SEMA6D: variants seen among roughly 807,000 people sequenced by gnomAD.
The protein encoded by SEMA6D is semaphorin-6D.
In SEMA6D, 35 loss-of-function variants were observed where a neutral mutation model predicts 106.6. The observed-to-expected ratio is 0.33, with a 90% CI of 0.25 to 0.44. The LOEUF is 0.44. SEMA6D is among the 20% of genes least tolerant of loss of function. The pLI is 1.00. For synonymous variants in SEMA6D, 499 were observed against 487.7 expected (o/e 1.02, Z -0.31); for missense variants, 1,185 against 1,345.9 (o/e 0.88, Z 1.87).
At chr15:47,242,349 T>C (rs974171652) in intron 1 of SEMA6D, among the ~76,000 whole-genome samples, 2 of 152,162 alleles carry the variant, frequency 1.3e-5, no homozygotes, top group Admixed American at 6.6e-5. Context: ...CTGAAATTAC[T>C]GTCAGTAGTT....
chr15:47,463,089 G>A (rs2042561138), intron 2 of SEMA6D, among the ~76,000 whole-genome samples: 2 of 152,086 alleles, frequency 1.3e-5, no homozygotes, highest in South Asian at 4.1e-4. Context: ...GACTACCTCA[G>A]TTTCCTGAAG....
chr15:47,704,941 G>A (rs1422847448), intron 4 of SEMA6D, among the ~76,000 whole-genome samples: 1 of 152,042 alleles, frequency 6.6e-6, no homozygotes, highest in Non-Finnish European at 1.5e-5. Context: ...TAATCAAGTT[G>A]TACTTAAAGT....
intron 17 of SEMA6D, among the ~76,000 whole-genome samples, chr15:47,767,863 G>A (rs1271081286): frequency 2.0e-5 from 3 of 152,146 alleles, no homozygotes; most frequent in African/African-American, 7.2e-5. Flanking sequence ...TTCCTCAGGG[G>A]GAGAAAAAGA....
intron 3 of SEMA6D, among the ~76,000 whole-genome samples, chr15:47,571,529 C>T (rs1344081094): frequency 1.3e-5 from 2 of 152,174 alleles, no homozygotes; most frequent in Non-Finnish European, 2.9e-5. Context: ...TAAAACATCC[C>T]AGAATCATCA....
chr15:47,337,069 A>G (rs1010928773), intron 1 of SEMA6D, among the ~76,000 whole-genome samples: 2 of 152,132 alleles, frequency 1.3e-5, no homozygotes, highest in Non-Finnish European at 2.9e-5. Flanking sequence ...AATCTGGCCT[A>G]TTTAAAGGAA....
chr15:47,407,668 T>C (rs1246477849), intron 1 of SEMA6D, among the ~76,000 whole-genome samples: 1 of 152,112 alleles, frequency 6.6e-6, no homozygotes, highest in African/African-American at 2.4e-5. Context: ...ATAAGGTGGG[T>C]AGTGTTTGGA....
At chr15:47,765,243 T>A (rs1597075217) in intron 13 of SEMA6D, 187 bp downstream of exon 13, 2 of 1,378,450 alleles carry the variant, frequency 1.5e-6, no homozygotes, top group Admixed American at 6.4e-5. Context: ...GCGAGGGGGG[T>A]GAATGGTTGA....
chr15:47,445,372 A>T (rs2041999727), intron 2 of SEMA6D, among the ~76,000 whole-genome samples: 1 of 152,044 alleles, frequency 6.6e-6, no homozygotes, highest in African/African-American at 2.4e-5. Flanking sequence ...TCGTAATGTT[A>T]TCATTATATT....
At chr15:47,260,961 A>C (rs534887764) in intron 1 of SEMA6D, among the ~76,000 whole-genome samples, 2 of 152,208 alleles carry the variant, frequency 1.3e-5, no homozygotes, top group Admixed American at 6.5e-5. Context: ...GAGGGACCTA[A>C]GGTACCGTAT....
chr15:47,389,989 T>G (rs985333266), intron 1 of SEMA6D, among the ~76,000 whole-genome samples: 1 of 152,240 alleles, frequency 6.6e-6, no homozygotes, highest in Non-Finnish European at 1.5e-5. Flanking sequence ...CTTCAATTGT[T>G]TTTTCACAAG....
chr15:47,455,247 T>C (rs1051006433), intron 2 of SEMA6D, among the ~76,000 whole-genome samples: 17 of 151,836 alleles, frequency 1.1e-4, no homozygotes, highest in African/African-American at 3.9e-4. Flanking sequence ...ATTTAGCAGA[T>C]TTCCTTCCCT....
intron 4 of SEMA6D, among the ~76,000 whole-genome samples, chr15:47,626,248 C>G (rs964379032): frequency 2.0e-5 from 3 of 152,150 alleles, no homozygotes; most frequent in Non-Finnish European, 4.4e-5. Flanking sequence ...AAGGAAACTT[C>G]CCCAAATGTC....
chr15:47,294,371 G>A (rs545651313), intron 1 of SEMA6D, among the ~76,000 whole-genome samples: 6 of 151,956 alleles, frequency 3.9e-5, no homozygotes, highest in East Asian at 3.9e-4. Flanking sequence ...TTACAGGTGC[G>A]TGCCACCATG....
In SEMA6D at chr15:47,323,796, AAAG is replaced by A. The variant is rs1189026976; in HGVS notation, c.-238-88591_-238-88589del. ...GTCTTAGAAGTTAATACGAAAAGAAAAAGAAGAAATGAAAATAATTAACCTGTT... is the reference window on the plus strand; with the variant it reads ...GTCTTAGAAGTTAATACGAAAAGAAAAAGAAATGAAAATAATTAACCTGTT... On this transcript the variant is annotated intron_variant, in intron 1 of 19. Coordinates refer to the SEMA6D transcript ENST00000558014. Among the ~76,000 whole-genome samples the A allele has an allele frequency of 6.6e-5, 10 of 152,218 alleles. 1 individual carries two copies. The highest frequency in any genetic ancestry group is 6.3e-3 in the Middle Eastern group (2 of 316).
At chr15:47,520,293 G>A (rs1336558295) in intron 3 of SEMA6D, among the ~76,000 whole-genome samples, 1 of 152,236 alleles carries the variant, frequency 6.6e-6, no homozygotes, top group South Asian at 2.1e-4. Context: ...GTAAAGGAGT[G>A]CTATGGGGAA....
At chr15:47,505,068 T>C (rs1478823204) in intron 3 of SEMA6D, among the ~76,000 whole-genome samples, 1 of 151,666 alleles carries the variant, frequency 6.6e-6, no homozygotes, top group Non-Finnish European at 1.5e-5. Flanking sequence ...TTTGCGGAAG[T>C]GGAGGGGAGC....
intron 1 of SEMA6D, among the ~76,000 whole-genome samples, chr15:47,351,155 T>C (rs566091524): frequency 6.6e-6 from 1 of 152,322 alleles, no homozygotes; most frequent in Non-Finnish European, 1.5e-5. Context: ...AAATGTTCTT[T>C]CTCCTCATTT....
Position 47,469,465 on chromosome 15 carries a change from A to G in SEMA6D, c.-158-1009A>G, listed in dbSNP as rs558020001. Among the ~76,000 whole-genome samples, 53 of 152,230 alleles carry G rather than the reference A, an allele frequency of 3.5e-4. 1 individual carries two copies. In the South Asian group the frequency reaches 7.5e-3, roughly 21 times the overall value. On this transcript the variant is annotated intron_variant, in intron 2 of 19. Coordinates refer to the SEMA6D transcript ENST00000558014. ...AGGACACTTCAACCTGTTCAGTTAT[A>G]TATGCAGTAAGTATTCCCAGAGTAC... is the stretch of plus-strand genomic sequence containing the variant.
At chr15:47,750,335 A>T (rs994438972) in intron 1 of SEMA6D, among the ~76,000 whole-genome samples, 1 of 152,194 alleles carries the variant, frequency 6.6e-6, no homozygotes, top group African/African-American at 2.4e-5. Context: ...ATGGATTCTT[A>T]GAGAAAAAAC....
Sources: allele counts gnomAD v4.1 joint callset (sites outside exome capture counted in the v4.1 genomes callset), GRCh38; gene constraint gnomAD v4.1.1; transcripts MANE v1.5; gene names NCBI Gene and HGNC (gene_info 2026-07-23, HGNC 2026-07-21).